RTN4RL2: variants seen among roughly 807,000 people sequenced by gnomAD.
RTN4RL2 encodes the protein reticulon 4 receptor like 2.
In RTN4RL2, 9 loss-of-function variants were observed where a neutral mutation model predicts 27.8. The observed-to-expected ratio is 0.32, with a 90% confidence interval of 0.20 to 0.57. RTN4RL2 has a LOEUF of 0.57. Among genes scored for constraint, RTN4RL2 ranks in the 20% least tolerant of loss-of-function variants. RTN4RL2 has a pLI of 0.90. For missense variants in RTN4RL2, 436 were observed against 596.8 expected, an observed-to-expected ratio of 0.73 and a Z score of 2.81; for synonymous variants, 285 against 297.9, an observed-to-expected ratio of 0.96 and a Z score of 0.45.
rs2135126150 is a variant in RTN4RL2 at position 57,477,007 on chromosome 11, C to T, written c.*96C>T. 2 of 1,279,118 alleles carry T rather than the reference C, an allele frequency of 1.6e-6. No homozygotes were observed. Among genetic ancestry groups the T allele is most frequent in the Non-Finnish European group, 2.1e-6 (2 of 955,188 alleles). 79.2% of individuals were successfully genotyped at this position (1,279,118 alleles called of 1,614,324 possible). A position where few individuals can be genotyped will look rare whatever the true frequency, so the allele number is the denominator to read the frequency against. On this transcript the variant is annotated 3_prime_UTR_variant, in exon 3 of 3. Transcript: ENST00000335099. ...CCCCAGTCGCCCCACCTTCCCTGGC[C>T]TTGCTGCCTCCCTTTCCCCTCCCAG...
At position 57,472,047 on chromosome 11, in the gene RTN4RL2, C is replaced by T. The variant is rs189968675; in HGVS notation, c.513+3957C>T. Among the ~76,000 whole-genome samples, 421 of 152,020 alleles carry T rather than the reference C, an allele frequency of 2.8e-3. 4 individuals are homozygous for T. Among genetic ancestry groups the T allele is most frequent in the African/African-American group, 9.2e-3 (382 of 41,432 alleles). ...CTAATTTTTGTATTTTTAGTAGAGA[C>T]GGGGTTTCACCATGTCGGCCAGGCT... On this transcript the variant is annotated intron_variant, in intron 2 of 2. Transcript: ENST00000335099.
At chr11:57,465,030 AGCACGCACCGAC>A (rs928239446) in intron 1 of RTN4RL2, among the ~76,000 whole-genome samples, 1 of 152,182 alleles carries the variant, frequency 6.6e-6, no homozygotes, top group African/African-American at 2.4e-5. Context: ...GAGGACAGCC[AGCACGCACCGAC>A]GCAGCACCGA....
rs566938225 is a variant in RTN4RL2 at position 57,466,111 on chromosome 11, G to A, written c.32-1498G>A. 2.6e-4 allele frequency among the ~76,000 whole-genome samples: 38 copies of A among 146,010 alleles called. No individual in the cohort carries two copies. In the South Asian group the frequency reaches 7.5e-3, roughly 29 times the overall value. On this transcript the variant is annotated intron_variant, in intron 1 of 2. Coordinates refer to ENST00000335099, the MANE Select transcript of RTN4RL2 (RefSeq NM_178570.3). ...CGCCTCCCAGGTTCACACCATTATC[G>A]TGTCTCAGCCTCCCAAGTAGCTGGG...
chr11:57,476,912 C>A lies in RTN4RL2; in HGVS notation c.*1C>A. The stretch of plus-strand genomic sequence containing the variant: ...GCTCCTGGTGCCCCACCACCTCTGA[C>A]TGCGGTGCTGAGATCGAAGAGGCCA... On this transcript the variant is annotated 3_prime_UTR_variant, in exon 3 of 3. Transcript: ENST00000335099. This position sits in a 1 kb window ranked among gnomAD's most constrained non-coding sequence, Gnocchi z 8.2. 6.4e-7 allele frequency: 1 copy of A among 1,561,928 alleles called. No homozygotes were observed. The highest frequency in any genetic ancestry group is 1.1e-5 in the South Asian group (1 of 88,444).
chr11:57,460,944 G>C, intron 1 of RTN4RL2, 48 bp downstream of exon 1: 1 of 1,259,294 alleles, frequency 7.9e-7, no homozygotes. Flanking sequence ...GGGGAGAGAA[G>C]CAGGGCGTCC....
rs1337786680 is a variant in RTN4RL2, at chr11:57,460,781, G to C, written c.-85G>C. Reference sequence around the variant, plus strand: ...CCCGGGCCCTCCCGGAGCCCCGCGGGGTCCCCGCCGTGCATCCGGCGGGCT... The same window carrying C: ...CCCGGGCCCTCCCGGAGCCCCGCGGCGTCCCCGCCGTGCATCCGGCGGGCT... On this transcript the variant is annotated 5_prime_UTR_variant, in exon 1 of 3. Coordinates refer to ENST00000335099, the MANE Select transcript of RTN4RL2 (RefSeq NM_178570.3). 2.8e-6 allele frequency: 2 copies of C among 706,056 alleles called. No homozygotes were observed. The highest frequency in any genetic ancestry group is 3.4e-5 in the East Asian group (1 of 28,996). 43.7% of individuals were successfully genotyped at this position (706,056 alleles called of 1,614,324 possible).
chr11:57,462,783 T>G (rs1943493892), intron 1 of RTN4RL2, among the ~76,000 whole-genome samples: 1 of 152,222 alleles, frequency 6.6e-6, no homozygotes, highest in Non-Finnish European at 1.5e-5. Flanking sequence ...CTTGGCTCCC[T>G]CCCCTGGTCA....
intron 1 of RTN4RL2, among the ~76,000 whole-genome samples, chr11:57,462,246 T>C (rs1415236563): frequency 6.6e-6 from 1 of 152,118 alleles, no homozygotes; most frequent in Non-Finnish European, 1.5e-5. Flanking sequence ...AGTGAGAAGC[T>C]GTTTGCAGCA....
chr11:57,473,186 A>G (rs903314564), intron 2 of RTN4RL2, among the ~76,000 whole-genome samples: 1 of 152,108 alleles, frequency 6.6e-6, no homozygotes, highest in Non-Finnish European at 1.5e-5. Context: ...CAGAGTAGAC[A>G]CTCGGTACAG....
chr11:57,471,003 A>G (rs12365829), intron 2 of RTN4RL2, among the ~76,000 whole-genome samples: 30,734 of 151,974 alleles, frequency 0.2, 3,545 homozygotes, highest in Non-Finnish European at 0.25. Context: ...CGGGAGGCCA[A>G]GGTGGGTGGA....
chr11:57,461,696 G>A (rs76553139), intron 1 of RTN4RL2, among the ~76,000 whole-genome samples: 6 of 152,052 alleles, frequency 3.9e-5, no homozygotes, highest in African/African-American at 1.4e-4. Flanking sequence ...TGGAGGTAGC[G>A]GGAAAGAGAA....
At chr11:57,465,030 A>G (rs1394965164) in intron 1 of RTN4RL2, among the ~76,000 whole-genome samples, 5 of 152,182 alleles carry the variant, frequency 3.3e-5, no homozygotes, top group African/African-American at 1.2e-4. Context: ...GAGGACAGCC[A>G]GCACGCACCG....
Position 57,476,770 on chromosome 11 carries a change from C to T in RTN4RL2, c.1122C>T (p.Tyr374=), listed in dbSNP as rs1277617655. The change falls in exon 3 of 3, where the codon TAC becomes TAT. Residue 374 remains tyrosine, a synonymous_variant. Transcript: ENST00000335099. This position sits in a 1 kb window ranked among gnomAD's most constrained non-coding sequence, Gnocchi z 8.2. Reference sequence around the variant, plus strand: ...CTGAGGACGACTACTGGGGGGGCTACGGGGGTGAGGACCAGCGAGGGGAGC... The same window carrying T: ...CTGAGGACGACTACTGGGGGGGCTATGGGGGTGAGGACCAGCGAGGGGAGC... ...APTEDDYWGG[Y]GGEDQRGEQM... is the part of the protein sequence containing the mutation. 2 of 1,478,938 alleles carry T rather than the reference C, an allele frequency of 1.4e-6. No individual in the cohort carries two copies. The highest frequency in any genetic ancestry group is 2.7e-5 in the East Asian group (1 of 37,268). 91.6% of individuals were successfully genotyped at this position (1,478,938 alleles called of 1,614,324 possible).
intron 1 of RTN4RL2, among the ~76,000 whole-genome samples, chr11:57,461,255 C>G (rs1483127574): frequency 6.6e-6 from 1 of 152,144 alleles, no homozygotes; most frequent in Non-Finnish European, 1.5e-5. Context: ...TCCTCCTGCC[C>G]GGTGCCTCAG....
chr11:57,470,039 A>T (rs1343267342), intron 2 of RTN4RL2, among the ~76,000 whole-genome samples: 1 of 152,202 alleles, frequency 6.6e-6, no homozygotes, highest in Non-Finnish European at 1.5e-5. Flanking sequence ...ACCCAGGAAG[A>T]GCTGGCGCTT....
chr11:57,465,232 G>A (rs532907504), intron 1 of RTN4RL2, among the ~76,000 whole-genome samples: 6 of 152,364 alleles, frequency 3.9e-5, no homozygotes, highest in Admixed American at 3.9e-4. Context: ...GTGCACACCT[G>A]GCTGAGCAGC....
In RTN4RL2 at chr11:57,461,472, G is replaced by A. The variant is rs923285483; in HGVS notation, c.31+576G>A. 2.0e-5 allele frequency among the ~76,000 whole-genome samples: 3 copies of A among 151,482 alleles called. No homozygotes were observed. The East Asian group carries it at 5.8e-4, about 29-fold the overall frequency. ...GGGAGGGGTCAGGGGGAGAGGGATA[G>A]GAAGGAGAACTCAAAGATGGAGAAA... On this transcript the variant is annotated intron_variant, in intron 1 of 2. Coordinates refer to ENST00000335099, the MANE Select transcript of RTN4RL2 (RefSeq NM_178570.3).
chr11:57,470,990 CT>C (rs1261845572), intron 2 of RTN4RL2, among the ~76,000 whole-genome samples: 1 of 152,062 alleles, frequency 6.6e-6, no homozygotes, highest in African/African-American at 2.4e-5. Flanking sequence ...AATCCCAGCA[CT>C]TCGGGAGGCC....
At chr11:57,466,286 T>A (rs1252057222) in intron 1 of RTN4RL2, among the ~76,000 whole-genome samples, 3 of 151,974 alleles carry the variant, frequency 2.0e-5, no homozygotes, top group Admixed American at 2.0e-4. Context: ...ATTACAGGCG[T>A]GAGCCACCGC....
Sources: gnomAD v4.1 joint callset for allele counts (sites outside exome capture counted in the v4.1 genomes callset) on GRCh38, gnomAD v4.1.1 for gene constraint, Gnocchi (gnomAD v3.1) non-coding constraint, MANE v1.5 for transcripts, NCBI Gene and HGNC (gene_info 2026-07-23, HGNC 2026-07-21) for gene names.